IL1RAP: variants seen among roughly 807,000 people sequenced by gnomAD.
IL1RAP encodes interleukin 1 receptor accessory protein, also known as interleukin-1 receptor accessory protein.
In IL1RAP, 35 loss-of-function variants were observed where a neutral mutation model predicts 60.7. That is an observed-to-expected ratio of 0.58 (90% CI 0.44 to 0.76). IL1RAP has a LOEUF of 0.76. Among genes scored for constraint, IL1RAP ranks in the 30% least tolerant of loss-of-function variants. The pLI, the probability that IL1RAP is intolerant of heterozygous loss-of-function variation, is 0.00. For synonymous variants in IL1RAP, 268 were observed against 250.9 expected, an observed-to-expected ratio of 1.07 and a Z score of -0.64; for missense variants, 572 against 693.9, an observed-to-expected ratio of 0.82 and a Z score of 1.97.
At chr3:190,593,528 T>A (rs1311955355) in intron 3 of IL1RAP, among the ~76,000 whole-genome samples, 1 of 152,240 alleles carries the variant, frequency 6.6e-6, no homozygotes, top group African/African-American at 2.4e-5. Context: ...AGAGGTTTAG[T>A]TGACTCCAGT....
chr3:190,655,802 C>T, downstream of IL1RAP: 3 of 973,020 alleles, frequency 3.1e-6, no homozygotes, highest in Admixed American at 6.7e-5. Flanking sequence ...TTTGTTCATT[C>T]CCTGTCCTCT....
chr3:190,559,326 A>G (rs1022995443), intron 2 of IL1RAP, among the ~76,000 whole-genome samples: 3 of 152,130 alleles, frequency 2.0e-5, no homozygotes, highest in Non-Finnish European at 4.4e-5. Flanking sequence ...TTCTTTTCAA[A>G]GAACTAACTT....
In IL1RAP at chr3:190,587,087, G is replaced by T. The variant is rs555890075; in HGVS notation, c.65-17041G>T. Among the ~76,000 whole-genome samples, 7 of 152,248 alleles carry T rather than the reference G, an allele frequency of 4.6e-5. No homozygotes were observed. In the South Asian group the frequency reaches 1.5e-3, roughly 32 times the overall value. On this transcript the variant is annotated intron_variant, in intron 3 of 11. Transcript: ENST00000447382. ...AGAAAATACTCTTGAAGTTAGCATG[G>T]ATTATAAACCCATCATATTATAGAG... is the stretch of plus-strand genomic sequence containing the variant.
intron 9 of IL1RAP, among the ~76,000 whole-genome samples, chr3:190,643,831 C>T (rs1402843227): frequency 1.3e-5 from 2 of 152,178 alleles, no homozygotes; most frequent in East Asian, 3.8e-4. Context: ...AATTAAAATT[C>T]TACCAATACC....
chr3:190,656,617 G>T (rs1476159776), exon 12 of IL1RAP: 5 of 1,440,800 alleles, frequency 3.5e-6, no homozygotes, highest in Non-Finnish European at 3.7e-6. Flanking sequence ...ATTACTGTGT[G>T]TGGTGGGTGG....
At position 190,644,384 on chromosome 3, in the gene IL1RAP, T is replaced by C. The variant is rs1441679083; in HGVS notation, c.1188T>C (p.Asp396=). The C allele has an allele frequency of 1.2e-6, 2 of 1,613,602 alleles. No individual in the cohort carries two copies. The highest frequency in any genetic ancestry group is 3.3e-5 in the Admixed American group (2 of 59,998). ...TTTACCGGGCTCATTTTGGAACAGA[T>C]GAAACCATTTTAGGTAAGTAACAGA... is the stretch of plus-strand genomic sequence containing the variant. ...VLFYRAHFGT[D]ETILDGKEYD... Residue 396 remains aspartate, a synonymous_variant, in exon 10 of 12, where the codon GAT becomes GAC. Coordinates refer to ENST00000447382, the MANE Select transcript of IL1RAP (RefSeq NM_002182.4).
chr3:190,551,462 G>A (rs1288666467), intron 1 of IL1RAP, among the ~76,000 whole-genome samples: 1 of 152,178 alleles, frequency 6.6e-6, no homozygotes, highest in Non-Finnish European at 1.5e-5. Context: ...TTCTTCACAG[G>A]AGGATACTTA....
Position 190,564,310 on chromosome 3 carries a change from A to G in IL1RAP, c.21A>G (p.Val7=), listed in dbSNP as rs1226037037. MTLLWC[V]VSLYFYGILQ... is the part of the protein sequence containing the mutation. ...ACAGGATGACACTTCTGTGGTGTGT[A>G]GTGAGTCTCTACTTTTATGGAATCC... The change falls in exon 3 of 12, where the codon GTA becomes GTG. Residue 7 remains valine (V), a synonymous_variant. Transcript: ENST00000447382. 2 of 1,611,144 alleles carry G rather than the reference A, an allele frequency of 1.2e-6. No individual in the cohort carries two copies. The highest frequency in any genetic ancestry group is 8.5e-7 in the Non-Finnish European group (1 of 1,177,472).
chr3:190,656,521 T>A (rs999074309), exon 12 of IL1RAP: 13 of 1,537,176 alleles, frequency 8.5e-6, no homozygotes, highest in African/African-American at 1.4e-5. Flanking sequence ...TGGCACCAGA[T>A]TGGAACCCCC....
At chr3:190,579,060 T>G (rs1727756025) in intron 3 of IL1RAP, among the ~76,000 whole-genome samples, 1 of 152,232 alleles carries the variant, frequency 6.6e-6, no homozygotes, top group African/African-American at 2.4e-5. Flanking sequence ...CAACTTTATC[T>G]ACTCATTTAA....
chr3:190,648,759 C>T lies in IL1RAP; in HGVS notation c.*54C>T, dbSNP rs1734218222. 6.5e-7 allele frequency: 1 copy of T among 1,543,040 alleles called. No individual in the cohort carries two copies. Among genetic ancestry groups the T allele is most frequent in the Non-Finnish European group, 8.7e-7 (1 of 1,148,868 alleles). On this transcript the variant is annotated 3_prime_UTR_variant, in exon 12 of 12. Transcript: ENST00000447382. ...AAGGGGTGCTCCAGGAAGAAAGAGT[C>T]CCCCCAGTCTTCATTCGCAGTTTAT...
chr3:190,548,709 G>T (rs996998914), intron 1 of IL1RAP, among the ~76,000 whole-genome samples: 1 of 152,176 alleles, frequency 6.6e-6, no homozygotes, highest in South Asian at 2.1e-4. Flanking sequence ...TTTAGAAAAG[G>T]AATAGTTTAT....
intron 7 of IL1RAP, among the ~76,000 whole-genome samples, chr3:190,624,208 G>A (rs1286291422): frequency 6.6e-6 from 1 of 152,208 alleles, no homozygotes; most frequent in Non-Finnish European, 1.5e-5. Context: ...TACCCAGAAA[G>A]CATAGGAACA....
chr3:190,552,950 C>T (rs550894834), intron 1 of IL1RAP, among the ~76,000 whole-genome samples: 34 of 152,278 alleles, frequency 2.2e-4, no homozygotes, highest in African/African-American at 7.7e-4. Flanking sequence ...CCTTAATACT[C>T]GACAAGTGGC....
At chr3:190,655,719 C>A (rs1410299201), downstream of IL1RAP, among the ~76,000 whole-genome samples, 3 of 151,978 alleles carry the variant, frequency 2.0e-5, no homozygotes. Context: ...TTCTTAGCAA[C>A]CATTGACAAG....
chr3:190,607,831 T>C (rs1354046395), intron 4 of IL1RAP, among the ~76,000 whole-genome samples: 2 of 152,332 alleles, frequency 1.3e-5, no homozygotes, highest in Non-Finnish European at 2.9e-5. Context: ...TCACATTTTC[T>C]TCTATTGATT....
chr3:190,623,918 A>G (rs966795432), intron 7 of IL1RAP, among the ~76,000 whole-genome samples: 4 of 152,234 alleles, frequency 2.6e-5, no homozygotes, highest in African/African-American at 9.6e-5. Flanking sequence ...TTTTCATTAT[A>G]GCCAAAAATC....
intron 1 of IL1RAP, chr3:190,550,534 G>C (rs2108587770): frequency 6.6e-6 from 1 of 152,368 alleles, no homozygotes; most frequent in East Asian, 1.9e-4. Flanking sequence ...GCTAAGATTT[G>C]GGTGCATGGC....
chr3:190,626,794 C>A (rs1003485482), intron 7 of IL1RAP, among the ~76,000 whole-genome samples: 4 of 151,784 alleles, frequency 2.6e-5, no homozygotes, highest in African/African-American at 7.3e-5. Context: ...CCTCAGCCCC[C>A]CAAGTAGCTG....
Sources: allele counts gnomAD v4.1 joint callset (sites outside exome capture counted in the v4.1 genomes callset), GRCh38; gene constraint gnomAD v4.1.1; transcripts MANE v1.5; gene names NCBI Gene and HGNC (gene_info 2026-07-23, HGNC 2026-07-21).